Variants in SCUBE1 observed in about 807,000 individuals in gnomAD.
SCUBE1 encodes signal peptide, CUB domain and EGF like domain containing 1, also known as signal peptide, CUB and EGF-like domain-containing protein 1.
Under a neutral mutation model 124.4 loss-of-function variants are expected in SCUBE1, and 59 were observed. The ratio of observed to expected loss-of-function variants is 0.47; its 90% confidence interval spans 0.38 to 0.59. The LOEUF (loss-of-function observed/expected upper bound fraction) is 0.59. Among genes scored for constraint, SCUBE1 ranks in the 20% least tolerant of loss-of-function variants. The pLI is 0.00. For missense variants in SCUBE1, 1,150 were observed against 1,371.2 expected, an observed-to-expected ratio of 0.84 and a Z score of 2.55; for synonymous variants, 545 against 550.9, an observed-to-expected ratio of 0.99 and a Z score of 0.15.
At chr22:43,263,879 G>A (rs139934244) in intron 4 of SCUBE1, among the ~76,000 whole-genome samples, 75 of 152,232 alleles carry the variant, frequency 4.9e-4, no homozygotes, top group Non-Finnish European at 9.7e-4. Flanking sequence ...GAGTTAGCAC[G>A]GAAAGCGCTT....
chr22:43,284,343 G>T (rs1925046135), intron 4 of SCUBE1, among the ~76,000 whole-genome samples: 1 of 152,254 alleles, frequency 6.6e-6, no homozygotes, highest in Admixed American at 6.5e-5. Context: ...CCACACTGCA[G>T]AAAATTTCTA....
intron 6 of SCUBE1, among the ~76,000 whole-genome samples, chr22:43,256,133 A>G (rs1923652457): frequency 6.6e-6 from 1 of 152,234 alleles, no homozygotes; most frequent in African/African-American, 2.4e-5. Context: ...CATAGGACAC[A>G]CACACGCACA....
chr22:43,300,102 G>A (rs755961279), intron 3 of SCUBE1, among the ~76,000 whole-genome samples: 22 of 152,232 alleles, frequency 1.4e-4, no homozygotes, highest in East Asian at 3.9e-4. Context: ...GTAAGTTTTC[G>A]TGGGGGTATA....
intron 2 of SCUBE1, among the ~76,000 whole-genome samples, chr22:43,337,286 A>G (rs1173478718): frequency 6.6e-6 from 1 of 152,168 alleles, no homozygotes; most frequent in Admixed American, 6.6e-5. Context: ...TTAGGGAAAC[A>G]GGTAAGGCCT....
At chr22:43,320,154 T>C in intron 2 of SCUBE1, 89 bp from the exon 3 acceptor site, 3 of 1,503,828 alleles carry the variant, frequency 2.0e-6, no homozygotes, top group South Asian at 1.2e-5. Flanking sequence ...ATCTGAGTGA[T>C]TAGGGGATGA....
intron 5 of SCUBE1, among the ~76,000 whole-genome samples, chr22:43,261,284 C>A (rs1923862023): frequency 6.6e-6 from 1 of 152,226 alleles, no homozygotes; most frequent in African/African-American, 2.4e-5. Context: ...TGGAGGCTGG[C>A]ACTTCCAATC....
intron 3 of SCUBE1, 85 bp downstream of exon 3, chr22:43,319,852 C>T (rs1926482651): frequency 1.3e-6 from 2 of 1,520,148 alleles, no homozygotes; most frequent in Non-Finnish European, 1.8e-6. Flanking sequence ...GAAGGAGAAC[C>T]TTCTCATGGC....
intron 3 of SCUBE1, among the ~76,000 whole-genome samples, chr22:43,307,983 AAACACCCCAC>A: frequency 6.6e-6 from 1 of 151,970 alleles, no homozygotes; most frequent in East Asian, 1.9e-4. Flanking sequence ...CCCCTGTAAT[AAACACCCCAC>A]AGTCCCCCCA....
chr22:43,231,060 G>T (rs1922532755), intron 8 of SCUBE1, among the ~76,000 whole-genome samples: 1 of 152,176 alleles, frequency 6.6e-6, no homozygotes, highest in Non-Finnish European at 1.5e-5. Flanking sequence ...CCCAGTGTGG[G>T]GCCCACAGGG....
At chr22:43,223,057 C>T (rs781145392) in intron 11 of SCUBE1, 40 bp downstream of exon 11, 5 of 1,499,586 alleles carry the variant, frequency 3.3e-6, no homozygotes, top group South Asian at 1.4e-5. Context: ...AGGAAGACCC[C>T]CCTGCCACAG....
At position 43,211,527 on chromosome 22, in the gene SCUBE1, T is replaced by C. The variant is rs566290519; in HGVS notation, c.2222-444A>G. Among the ~76,000 whole-genome samples the C allele has an allele frequency of 6.6e-6, 1 of 150,910 alleles. No homozygotes were observed. The highest frequency in any genetic ancestry group is 2.4e-5 in the African/African-American group (1 of 41,132). ...GGCTAGAGATGGGCAATTCTTTTTTTTTTTTTTTGAGATGGAGCTCGCTCC... is the reference window on the plus strand; with the variant it reads ...GGCTAGAGATGGGCAATTCTTTTTTCTTTTTTTTGAGATGGAGCTCGCTCC... On this transcript the variant is annotated intron_variant, in intron 17 of 21. Transcript: ENST00000360835. The surrounding 1 kb of genome is among the most constrained non-coding windows in gnomAD (Gnocchi z 4.5).
intron 6 of SCUBE1, among the ~76,000 whole-genome samples, chr22:43,250,377 G>A (rs775017900): frequency 2.0e-5 from 3 of 152,162 alleles, no homozygotes; most frequent in South Asian, 2.1e-4. Context: ...CTAATAGTAC[G>A]GAGGGACAGG....
At chr22:43,223,330 G>T in intron 10 of SCUBE1, 114 bp from the exon 11 acceptor site, 1 of 1,252,752 alleles carries the variant, frequency 8.0e-7, no homozygotes, top group Non-Finnish European at 1.1e-6. Context: ...TTCTTCCATG[G>T]CTGGGCTGGC....
chr22:43,200,746 T>A lies in SCUBE1; in HGVS notation c.*3251A>T, dbSNP rs958865249. 6.6e-6 allele frequency: 1 copy of A among 152,236 alleles called. No individual in the cohort carries two copies. Among genetic ancestry groups the A allele is most frequent in the Non-Finnish European group, 1.5e-5 (1 of 68,076 alleles). 9.4% of individuals were successfully genotyped at this position (152,236 alleles called of 1,614,324 possible). On this transcript the variant is annotated 3_prime_UTR_variant, in exon 22 of 22. Transcript: ENST00000360835. ...TGGCGACCTCGCGCTCCTCATGGCC[T>A]CTCCCGTGGGCTGGGAGCTATAGAA...
intron 4 of SCUBE1, among the ~76,000 whole-genome samples, chr22:43,288,295 A>G (rs1017636950): frequency 2.5e-4 from 38 of 152,114 alleles, no homozygotes; most frequent in African/African-American, 8.9e-4. Flanking sequence ...GGTCCCACCC[A>G]ACACCAGCCA....
intron 11 of SCUBE1, 43 bp downstream of exon 11, chr22:43,223,053 AC>A (rs753031775): frequency 4.0e-6 from 6 of 1,489,584 alleles, no homozygotes; most frequent in East Asian, 4.9e-5. Flanking sequence ...AGGGAGGAAG[AC>A]CCCCCTGCCA....
chr22:43,236,738 C>T (rs1922779354), intron 7 of SCUBE1, among the ~76,000 whole-genome samples: 2 of 152,228 alleles, frequency 1.3e-5, no homozygotes, highest in Admixed American at 1.3e-4. Context: ...CCCCAGCCTC[C>T]TGCCATACTG....
intron 3 of SCUBE1, among the ~76,000 whole-genome samples, chr22:43,304,270 T>G (rs920092427): frequency 6.6e-6 from 1 of 152,246 alleles, no homozygotes; most frequent in African/African-American, 2.4e-5. Context: ...TCCAGCGAAC[T>G]TCTGTGATTA....
Position 43,255,687 on chromosome 22 carries a change from ACGCCGGCCAGCTCGGCATCCT to A in SCUBE1, c.727+2511_727+2531del, listed in dbSNP as rs928123768. ...GTGGCGCACGCAAAGCCAACACAAC[ACGCCGGCCAGCTCGGCATCCT>A]CGCCAAGGGGCTAATCCCAGGAACC... On this transcript the variant is annotated intron_variant, in intron 6 of 21. Transcript: ENST00000360835. The surrounding 1 kb of genome is among the most constrained non-coding windows in gnomAD (Gnocchi z 4.7). 7.9e-6 allele frequency: 7 copies of A among 883,866 alleles called. No homozygotes were observed. The African/African-American group carries it at 1.0e-4, about 13-fold the overall frequency. 54.8% of individuals were successfully genotyped at this position (883,866 alleles called of 1,614,324 possible).
Sources: allele counts gnomAD v4.1 joint callset (sites outside exome capture counted in the v4.1 genomes callset), GRCh38; gene constraint gnomAD v4.1.1; non-coding constraint Gnocchi (gnomAD v3.1); transcripts MANE v1.5; gene names NCBI Gene and HGNC (gene_info 2026-07-23, HGNC 2026-07-21).